The following UBR1 variants were observed in gnomAD, a reference collection of about 807,000 sequenced individuals.
UBR1 encodes the protein E3 ubiquitin-protein ligase UBR1.
A neutral mutation model predicts 242.1 loss-of-function variants in UBR1; 102 were observed. The ratio of observed to expected loss-of-function variants is 0.42; its 90% confidence interval spans 0.36 to 0.50. The LOEUF is 0.50. Among genes scored for constraint, UBR1 ranks in the 20% least tolerant of loss-of-function variants. The probability of loss-of-function intolerance (pLI) is 0.01; values close to 1 mark genes in which losing one functional copy is unlikely to be tolerated. For missense variants in UBR1, 1,772 were observed against 2,101.8 expected (o/e 0.84, Z 3.07); for synonymous variants, 675 against 684.8 (o/e 0.99, Z 0.22).
At chr15:43,078,795 C>T (rs2033938153) in intron 3 of UBR1, among the ~76,000 whole-genome samples, 2 of 152,012 alleles carry the variant, frequency 1.3e-5, no homozygotes, top group Non-Finnish European at 2.9e-5. Context: ...ACAGCAAGAT[C>T]CCATTTCTAC....
Position 42,945,201 on chromosome 15 carries a change from G to T in UBR1, c.*128C>A. The T allele has an allele frequency of 8.0e-7, 1 of 1,245,832 alleles. No homozygotes were observed. The highest frequency in any genetic ancestry group is 1.1e-6 in the Non-Finnish European group (1 of 870,512). 77.2% of individuals were successfully genotyped at this position (1,245,832 alleles called of 1,614,324 possible). A position where few individuals can be genotyped will look rare whatever the true frequency, so the allele number is the denominator to read the frequency against. On this transcript the variant is annotated 3_prime_UTR_variant, in exon 47 of 47. Transcript: ENST00000290650. ...CTCCATTAAGAAATATTTTATTGATGTAAGTGAACCTGGACATGGAGCAAA... is the reference window on the plus strand; with the variant it reads ...CTCCATTAAGAAATATTTTATTGATTTAAGTGAACCTGGACATGGAGCAAA...
At chr15:42,988,179 G>C (rs763908729) in intron 35 of UBR1, among the ~76,000 whole-genome samples, 54 of 151,974 alleles carry the variant, frequency 3.6e-4, no homozygotes, top group African/African-American at 1.3e-3. Context: ...AAAAATTACT[G>C]AACACTTCTG....
At chr15:42,987,910 A>AT (rs2032499572) in intron 35 of UBR1, among the ~76,000 whole-genome samples, 1 of 152,122 alleles carries the variant, frequency 6.6e-6, no homozygotes, top group Non-Finnish European at 1.5e-5. Flanking sequence ...ACCATTCTTA[A>AT]TTTTTTCCAT....
At chr15:43,074,842 A>G (rs902702815) in intron 4 of UBR1, 137 bp downstream of exon 4, 25 of 702,448 alleles carry the variant, frequency 3.6e-5, no homozygotes, top group East Asian at 3.1e-4. Context: ...GGAGCTAGAA[A>G]AAAAGCCTCC....
At position 42,996,728 on chromosome 15, in the gene UBR1, C is replaced by A. The variant is rs976806882; in HGVS notation, c.3757+1440G>T. On this transcript the variant is annotated intron_variant, in intron 33 of 46. Transcript: ENST00000290650. ...ACATCCTTCATTTTCCTTAAAAGTA[C>A]GTAACTGAAAGGACATAATTAAATC... 2.0e-5 allele frequency among the ~76,000 whole-genome samples: 3 copies of A among 152,120 alleles called. No individual in the cohort carries two copies. The East Asian group carries it at 5.8e-4, about 29-fold the overall frequency.
At chr15:43,074,496 T>C (rs1189148477) in intron 4 of UBR1, among the ~76,000 whole-genome samples, 1 of 152,206 alleles carries the variant, frequency 6.6e-6, no homozygotes, top group Non-Finnish European at 1.5e-5. Context: ...TGGCATGATC[T>C]TGGCTCACTG....
At chr15:43,070,350 A>G (rs1488565370) in intron 5 of UBR1, among the ~76,000 whole-genome samples, 1 of 151,922 alleles carries the variant, frequency 6.6e-6, no homozygotes, top group African/African-American at 2.4e-5. Context: ...CATTCCCATC[A>G]AACTTTTCTT....
In UBR1 at chr15:42,966,068, G is replaced by A. The variant is rs1002607509; in HGVS notation, c.4591+85C>T. 1.5e-5 allele frequency: 24 copies of A among 1,589,756 alleles called. No homozygotes were observed. The African/African-American group carries it at 2.8e-4, about 19-fold the overall frequency. ...GGGGAGAGGAGAAGTGGTTTTATCT[G>A]CTTTAACCTTGTATTCATGAGCTTG... On this transcript the variant is annotated intron_variant, in intron 41 of 46. Transcript: ENST00000290650.
chr15:43,024,851 C>A lies in UBR1; in HGVS notation c.2717G>T (p.Trp906Leu). Residue 906 changes from tryptophan to leucine, a missense_variant, in exon 25 of 47, where the codon TGG becomes TTG. Physicochemically the swap from Trp to Leu is moderately conservative, Grantham distance 61. Transcript: ENST00000290650. ...ERAIDTDSNL[W>L]TEGMLQMAFH... ...AACCATTTGGAGCATCCCTTCGGTC[C>A]ACAAGTTAGAATCTGTGTCTATTGC... 1 of 1,614,110 alleles carries A rather than the reference C, an allele frequency of 6.2e-7. No individual in the cohort carries two copies. Among genetic ancestry groups the A allele is most frequent in the Non-Finnish European group, 8.5e-7 (1 of 1,180,016 alleles).
intron 12 of UBR1, among the ~76,000 whole-genome samples, chr15:43,050,716 T>A: frequency 1.6e-5 from 2 of 124,528 alleles, no homozygotes; most frequent in African/African-American, 3.5e-5. Context: ...AGAGCGAGAC[T>A]CCGTCTTAAA....
intron 6 of UBR1, among the ~76,000 whole-genome samples, chr15:43,065,933 G>C (rs1464140950): frequency 6.6e-6 from 1 of 152,130 alleles, no homozygotes; most frequent in Non-Finnish European, 1.5e-5. Context: ...TCACTCTGAT[G>C]ATAGTTTCTT....
intron 6 of UBR1, among the ~76,000 whole-genome samples, chr15:43,061,565 G>GTA (rs986929785): frequency 1.3e-5 from 2 of 151,654 alleles, no homozygotes; most frequent in African/African-American, 4.9e-5. Flanking sequence ...ACACACATAT[G>GTA]TATATATACA....
At chr15:43,081,647 CAT>C in intron 3 of UBR1, among the ~76,000 whole-genome samples, 1 of 152,004 alleles carries the variant, frequency 6.6e-6, no homozygotes, top group South Asian at 2.1e-4. Flanking sequence ...ATATTTTGTC[CAT>C]TTTTTAAAGG....
intron 45 of UBR1, among the ~76,000 whole-genome samples, chr15:42,950,906 G>A (rs886858711): frequency 6.6e-6 from 1 of 152,152 alleles, no homozygotes; most frequent in Non-Finnish European, 1.5e-5. Context: ...CATAAAAAAG[G>A]CTTGCGTACA....
At chr15:43,026,313 G>A in intron 23 of UBR1, 2 of 415,520 alleles carry the variant, frequency 4.8e-6, no homozygotes, top group Non-Finnish European at 8.7e-6. Context: ...TGATGATGAA[G>A]TCCATGATGC....
At chr15:42,979,934 AAAAC>A (rs1307782454) in intron 37 of UBR1, among the ~76,000 whole-genome samples, 1 of 152,202 alleles carries the variant, frequency 6.6e-6, no homozygotes, top group African/African-American at 2.4e-5. Flanking sequence ...TTGGCTACAT[AAAAC>A]AAACTAAAGT....
intron 1 of UBR1, chr15:43,091,906 C>CAAAAAAAAAA (rs58586323): frequency 2.2e-5 from 4 of 180,330 alleles, no homozygotes; most frequent in African/African-American, 9.0e-5. Context: ...TACACCATCT[C>CAAAAAAAAAA]AAAAAAAAAA....
chr15:42,967,797 A>G (rs1429261797), intron 40 of UBR1, among the ~76,000 whole-genome samples: 1 of 151,332 alleles, frequency 6.6e-6, no homozygotes, highest in African/African-American at 2.4e-5. Flanking sequence ...TATTAACTTA[A>G]AAAAAAAGAA....
chr15:43,067,628 C>T (rs1238945720), intron 6 of UBR1, among the ~76,000 whole-genome samples: 2 of 152,270 alleles, frequency 1.3e-5, no homozygotes, highest in South Asian at 4.1e-4. Flanking sequence ...TAGGACCAGA[C>T]TAAAGTTGAG....
Sources: gnomAD v4.1 joint callset for allele counts (sites outside exome capture counted in the v4.1 genomes callset) on GRCh38, gnomAD v4.1.1 for gene constraint, MANE v1.5 for transcripts, NCBI Gene and HGNC (gene_info 2026-07-23, HGNC 2026-07-21) for gene names.